Variants in OSBPL1A observed in about 807,000 individuals in gnomAD.
OSBPL1A encodes oxysterol binding protein like 1A, also known as oxysterol-binding protein-related protein 1.
A neutral mutation model predicts 137.1 loss-of-function variants in OSBPL1A; 80 were observed. That is an observed-to-expected ratio of 0.58 (90% CI 0.49 to 0.70). The LOEUF (loss-of-function observed/expected upper bound fraction) is 0.70, where lower values mean the gene tolerates loss of function less well. OSBPL1A is among the 30% of genes least tolerant of loss of function. The pLI is 0.00. For synonymous variants in OSBPL1A, 365 were observed against 389.7 expected (o/e 0.94, Z 0.75); for missense variants, 970 against 1,129.4 (o/e 0.86, Z 2.02).
At chr18:24,212,753 T>C (rs1203513827) in intron 17 of OSBPL1A, among the ~76,000 whole-genome samples, 1 of 152,244 alleles carries the variant, frequency 6.6e-6, no homozygotes. Context: ...ACTTTAGTTG[T>C]AATGTACATG....
In OSBPL1A at chr18:24,317,328, G is replaced by A. The variant is rs2090754816; in HGVS notation, c.805C>T (p.Gln269Ter). The change falls in exon 10 of 28, where the codon CAG becomes TAG. Residue 269 changes from glutamine (Q) to a stop codon, truncating the protein, a stop_gained and splice_region_variant. Transcript: ENST00000319481. LOFTEE classifies it high-confidence loss of function. ...EHGVLSWYRK[Q>*]PDAVHNIYRQ... ...AAGTGTAAAGATCATAATACTTACT[G>A]TTTCCTATACCATGAAAGGACTCCA... The A allele has an allele frequency of 1.2e-6, 2 of 1,612,738 alleles. No homozygotes were observed. Among genetic ancestry groups the A allele is most frequent in the African/African-American group, 2.7e-5 (2 of 74,854 alleles).
At chr18:24,287,144 A>G (rs955836406) in intron 14 of OSBPL1A, among the ~76,000 whole-genome samples, 34 of 152,246 alleles carry the variant, frequency 2.2e-4, no homozygotes, top group African/African-American at 7.5e-4. Flanking sequence ...AAGAGAATGA[A>G]GTGAGGCAAT....
intron 17 of OSBPL1A, among the ~76,000 whole-genome samples, chr18:24,206,126 G>C (rs2087368363): frequency 6.6e-6 from 1 of 152,200 alleles, no homozygotes; most frequent in South Asian, 2.1e-4. Flanking sequence ...CCTGACCTCA[G>C]ATTGTCCTCG....
At chr18:24,310,088 T>C (rs2090588886) in intron 13 of OSBPL1A, among the ~76,000 whole-genome samples, 2 of 150,394 alleles carry the variant, frequency 1.3e-5, no homozygotes, top group Non-Finnish European at 3.0e-5. Context: ...TTTACAGAAT[T>C]AGCATTCAAA....
intron 27 of OSBPL1A, among the ~76,000 whole-genome samples, 198 bp downstream of exon 27, chr18:24,164,867 C>G (rs1012414723): frequency 6.6e-6 from 1 of 152,202 alleles, no homozygotes; most frequent in Non-Finnish European, 1.5e-5. Flanking sequence ...AACAAAGATA[C>G]GGAATCAACC....
intron 14 of OSBPL1A, among the ~76,000 whole-genome samples, chr18:24,293,501 A>C (rs539458480): frequency 2.0e-5 from 3 of 152,300 alleles, no homozygotes; most frequent in African/African-American, 7.2e-5. Context: ...GCAGTACACA[A>C]AGCAGGGCAG....
At chr18:24,296,831 T>C (rs1484944643) in intron 14 of OSBPL1A, among the ~76,000 whole-genome samples, 1 of 152,170 alleles carries the variant, frequency 6.6e-6, no homozygotes, top group African/African-American at 2.4e-5. Context: ...AAAGCATCCC[T>C]GCATCCCTGG....
chr18:24,224,409 A>G (rs534963294), intron 17 of OSBPL1A, among the ~76,000 whole-genome samples: 3 of 152,188 alleles, frequency 2.0e-5, no homozygotes, highest in Non-Finnish European at 2.9e-5. Context: ...TACTATATGA[A>G]CACTAGCATG....
chr18:24,339,758 A>G (rs996523969), intron 5 of OSBPL1A, among the ~76,000 whole-genome samples: 1 of 152,242 alleles, frequency 6.6e-6, no homozygotes, highest in Non-Finnish European at 1.5e-5. Context: ...CTAAATTCAT[A>G]TAACACAGTG....
At chr18:24,279,694 A>G (rs542952934) in intron 15 of OSBPL1A, among the ~76,000 whole-genome samples, 50 of 152,290 alleles carry the variant, frequency 3.3e-4, no homozygotes, top group African/African-American at 1.1e-3. Context: ...ACTTACATTG[A>G]AATCATAAAA....
intron 27 of OSBPL1A, among the ~76,000 whole-genome samples, chr18:24,164,569 C>G (rs1208488281): frequency 6.6e-6 from 1 of 152,004 alleles, no homozygotes; most frequent in Non-Finnish European, 1.5e-5. Context: ...TCTGGGACTA[C>G]AGGCGCCCGC....
chr18:24,353,479 A>T (rs1285550535), intron 4 of OSBPL1A, among the ~76,000 whole-genome samples: 2 of 152,038 alleles, frequency 1.3e-5, no homozygotes, highest in Non-Finnish European at 2.9e-5. Context: ...GGGACTGTAA[A>T]CTAGTTCAAC....
At chr18:24,369,106 T>C (rs1354513516) in intron 2 of OSBPL1A, among the ~76,000 whole-genome samples, 1 of 152,220 alleles carries the variant, frequency 6.6e-6, no homozygotes, top group Non-Finnish European at 1.5e-5. Context: ...TAGTTCTTTA[T>C]AGCAGTGTGA....
intron 21 of OSBPL1A, among the ~76,000 whole-genome samples, chr18:24,173,537 C>T (rs1455758272): frequency 1.3e-5 from 2 of 152,052 alleles, no homozygotes; most frequent in East Asian, 1.9e-4. Flanking sequence ...CTCAGCCTCC[C>T]GAGGAGCTGG....
chr18:24,344,829 G>T (rs1015916475), intron 4 of OSBPL1A, among the ~76,000 whole-genome samples: 24 of 152,010 alleles, frequency 1.6e-4, no homozygotes, highest in Non-Finnish European at 2.2e-4. Flanking sequence ...TTGTTTTCTT[G>T]GGGGGAGACG....
intron 7 of OSBPL1A, among the ~76,000 whole-genome samples, chr18:24,332,385 CAAAAAAAAAAAAAAAA>C (rs71163675): frequency 2.3e-3 from 121 of 53,054 alleles, no homozygotes; most frequent in African/African-American, 6.9e-3. Context: ...GACTCTGTCT[CAAAAAAAAAAAAAAAA>C]AAAAAAAAAA....
intron 18 of OSBPL1A, among the ~76,000 whole-genome samples, chr18:24,185,620 G>C (rs2086727312): frequency 6.6e-6 from 1 of 152,052 alleles, no homozygotes; most frequent in Admixed American, 6.6e-5. Flanking sequence ...CACCCATCCA[G>C]GTTCACCGAT....
intron 17 of OSBPL1A, among the ~76,000 whole-genome samples, chr18:24,200,650 C>A (rs1160512216): frequency 6.6e-6 from 1 of 151,682 alleles, no homozygotes; most frequent in Non-Finnish European, 1.5e-5. Context: ...TGGCTAGTGG[C>A]AACTGTACTG....
chr18:24,192,888 GT>G (rs1386108324), intron 18 of OSBPL1A, among the ~76,000 whole-genome samples: 1 of 152,156 alleles, frequency 6.6e-6, no homozygotes, highest in East Asian at 1.9e-4. Flanking sequence ...GGCATTAATT[GT>G]TACGGAAAAA....
Sources: gnomAD v4.1 joint callset for allele counts (sites outside exome capture counted in the v4.1 genomes callset) on GRCh38, gnomAD v4.1.1 for gene constraint, MANE v1.5 for transcripts, NCBI Gene and HGNC (gene_info 2026-07-23, HGNC 2026-07-21) for gene names.